Variants in RTN4IP1 observed in about 807,000 individuals in gnomAD.
The protein encoded by RTN4IP1 is reticulon 4 interacting protein 1.
A neutral mutation model predicts 46.6 loss-of-function variants in RTN4IP1; 32 were observed. The ratio of observed to expected loss-of-function variants is 0.69; its 90% CI spans 0.52 to 0.92. RTN4IP1 has a LOEUF of 0.92. Among genes scored for constraint, RTN4IP1 ranks in the 40% least tolerant of loss-of-function variants. The pLI, the probability that RTN4IP1 is intolerant of heterozygous loss-of-function variation, is 0.00. For missense variants in RTN4IP1, 424 were observed against 485.8 expected, an observed-to-expected ratio of 0.87 and a Z score of 1.20; for synonymous variants, 167 against 161.8, an observed-to-expected ratio of 1.03 and a Z score of -0.24.
chr6:106,615,525 A>G (rs1270845891), intron 4 of RTN4IP1, among the ~76,000 whole-genome samples: 1 of 152,144 alleles, frequency 6.6e-6, no homozygotes, highest in Non-Finnish European at 1.5e-5. Flanking sequence ...CCCAGGATGG[A>G]GTGCAGTGGC....
intron 1 of RTN4IP1, among the ~76,000 whole-genome samples, chr6:106,625,673 T>TC: frequency 6.8e-6 from 1 of 146,200 alleles, no homozygotes; most frequent in Non-Finnish European, 1.5e-5. Context: ...TTTTTTTTTT[T>TC]TTTTTTTTGA....
intron 5 of RTN4IP1, among the ~76,000 whole-genome samples, chr6:106,600,655 T>C (rs748261043): frequency 7.9e-5 from 12 of 151,896 alleles, no homozygotes; most frequent in Non-Finnish European, 1.6e-4. Context: ...AAACATACGA[T>C]ATAAATGGAA....
chr6:106,595,522 G>A (rs535675433), intron 5 of RTN4IP1, among the ~76,000 whole-genome samples: 1 of 146,718 alleles, frequency 6.8e-6, no homozygotes, highest in South Asian at 2.1e-4. Flanking sequence ...TTTTGTGGGG[G>A]ACAGTCTCGC....
intron 4 of RTN4IP1, among the ~76,000 whole-genome samples, chr6:106,616,105 G>A (rs1776348876): frequency 2.0e-5 from 3 of 152,060 alleles, no homozygotes; most frequent in South Asian, 2.1e-4. Flanking sequence ...TTTTAGTAGC[G>A]ACGGGGTTTC....
intron 5 of RTN4IP1, among the ~76,000 whole-genome samples, chr6:106,595,779 T>G (rs1775776071): frequency 6.6e-6 from 1 of 152,210 alleles, no homozygotes; most frequent in Non-Finnish European, 1.5e-5. Context: ...ATTACAGGCA[T>G]GAGCCAACGC....
intron 6 of RTN4IP1, among the ~76,000 whole-genome samples, chr6:106,591,512 A>ATGTTT (rs1775662760): frequency 2.6e-5 from 4 of 152,182 alleles, no homozygotes; most frequent in Non-Finnish European, 5.9e-5. Context: ...AAAAAGGGAA[A>ATGTTT]ACCTTTTAAA....
chr6:106,595,865 A>G (rs915666930), intron 5 of RTN4IP1, among the ~76,000 whole-genome samples: 1 of 152,298 alleles, frequency 6.6e-6, no homozygotes, highest in Admixed American at 6.5e-5. Flanking sequence ...TGTCTGCTCA[A>G]TTATACAGTT....
chr6:106,601,692 C>G (rs142034044), intron 5 of RTN4IP1, among the ~76,000 whole-genome samples: 6,019 of 152,218 alleles, frequency 0.04, 171 homozygotes, highest in Non-Finnish European at 0.06. Context: ...CTTACTGAAA[C>G]CTCCGCCTTC....
chr6:106,583,965 C>A (rs943808485), intron 7 of RTN4IP1, among the ~76,000 whole-genome samples: 2 of 152,150 alleles, frequency 1.3e-5, no homozygotes, highest in Non-Finnish European at 2.9e-5. Flanking sequence ...CCTTATACAT[C>A]ACGGCTGAAT....
At chr6:106,629,612 T>C, upstream of RTN4IP1, 1 of 1,549,532 alleles carries the variant, frequency 6.5e-7, no homozygotes. Context: ...CCATGTAACA[T>C]CACTAGCGAC....
intron 5 of RTN4IP1, among the ~76,000 whole-genome samples, chr6:106,593,102 T>G (rs1304839749): frequency 6.6e-6 from 1 of 152,314 alleles, no homozygotes; most frequent in East Asian, 1.9e-4. Context: ...TCAGAAAGCG[T>G]GTCAAAGTAA....
intron 8 of RTN4IP1, among the ~76,000 whole-genome samples, chr6:106,573,514 G>C (rs1433130909): frequency 2.0e-5 from 3 of 152,174 alleles, no homozygotes; most frequent in African/African-American, 7.2e-5. Context: ...CATAATAAAA[G>C]CAACAGCTGG....
chr6:106,610,402 C>A (rs545113005), intron 4 of RTN4IP1, among the ~76,000 whole-genome samples: 1 of 152,252 alleles, frequency 6.6e-6, no homozygotes, highest in South Asian at 2.1e-4. Context: ...GCCGGTCGGT[C>A]TTCTAAAGTC....
At chr6:106,585,983 A>T (rs569147574) in intron 7 of RTN4IP1, among the ~76,000 whole-genome samples, 1 of 152,346 alleles carries the variant, frequency 6.6e-6, no homozygotes, top group Admixed American at 6.5e-5. Flanking sequence ...TTCTCCACAA[A>T]GTACCCTGTG....
chr6:106,594,404 G>A (rs1465971416), intron 5 of RTN4IP1, among the ~76,000 whole-genome samples: 1 of 152,144 alleles, frequency 6.6e-6, no homozygotes, highest in Non-Finnish European at 1.5e-5. Context: ...AGCTACTCAG[G>A]AGGCTGAAGT....
At chr6:106,616,430 C>A (rs1340342523) in intron 4 of RTN4IP1, among the ~76,000 whole-genome samples, 1 of 152,032 alleles carries the variant, frequency 6.6e-6, no homozygotes, top group Admixed American at 6.5e-5. Flanking sequence ...CCTATAAAAT[C>A]TTCCAAGGTG....
intron 1 of RTN4IP1, among the ~76,000 whole-genome samples, chr6:106,625,661 CTTTTTTTTTT>C (rs773454257): frequency 4.4e-5 from 5 of 112,808 alleles, no homozygotes; most frequent in African/African-American, 1.0e-4. Flanking sequence ...TCTTTTTTTT[CTTTTTTTTTT>C]TTTTTTTTTT....
At chr6:106,580,010 C>T (rs1021539409) in intron 8 of RTN4IP1, among the ~76,000 whole-genome samples, 4 of 151,598 alleles carry the variant, frequency 2.6e-5, no homozygotes, top group African/African-American at 4.8e-5. Flanking sequence ...GTCAGGAAAT[C>T]GAAACCATCC....
At chr6:106,605,937 A>G (rs1363155107) in intron 4 of RTN4IP1, among the ~76,000 whole-genome samples, 3 of 152,106 alleles carry the variant, frequency 2.0e-5, no homozygotes, top group African/African-American at 7.2e-5. Context: ...TACAGGAAAA[A>G]GTACTGGAAG....
Sources: gnomAD v4.1 joint callset for allele counts (sites outside exome capture counted in the v4.1 genomes callset) on GRCh38, gnomAD v4.1.1 for gene constraint, MANE v1.5 for transcripts, NCBI Gene and HGNC (gene_info 2026-07-23, HGNC 2026-07-21) for gene names.